Variants in SKOR2 observed in about 807,000 individuals in gnomAD.
The protein encoded by SKOR2 is LBX1 corepressor 1-like protein.
A neutral mutation model predicts 69.1 loss-of-function variants in SKOR2; 47 were observed. The ratio of observed to expected loss-of-function variants is 0.68; its 90% CI spans 0.54 to 0.87. The LOEUF (loss-of-function observed/expected upper bound fraction) is 0.87. SKOR2 is among the 40% of genes least tolerant of loss of function. SKOR2 has a pLI of 0.00. For missense variants in SKOR2, 1,404 were observed against 1,472.2 expected (o/e 0.95, Z 0.76); for synonymous variants, 717 against 672.6 (o/e 1.07, Z -1.02).
chr18:47,249,264 C>A, intron 1 of SKOR2, 34 bp from the exon 2 acceptor site: 1 of 1,439,266 alleles, frequency 6.9e-7, no homozygotes, highest in Non-Finnish European at 9.1e-7. Flanking sequence ...TGACTTGAGC[C>A]TTTTCAGACT....
intron 3 of SKOR2, 99 bp from the exon 4 acceptor site, chr18:47,245,081 T>C: frequency 3.2e-6 from 3 of 928,784 alleles, no homozygotes; most frequent in Admixed American, 2.6e-5. Flanking sequence ...ATGCTACTTA[T>C]TATATCTAAG....
At position 47,247,248 on chromosome 18, in the gene SKOR2, C is replaced by CG; in HGVS notation, c.1935dup (p.Ala646ArgfsTer119). The CG allele has an allele frequency of 6.8e-7, 1 of 1,470,154 alleles. No homozygotes were observed. Among genetic ancestry groups the CG allele is most frequent in the Non-Finnish European group, 9.0e-7 (1 of 1,115,808 alleles). 91.1% of individuals were successfully genotyped at this position (1,470,154 alleles called of 1,614,324 possible). A position where few individuals can be genotyped will look rare whatever the true frequency, so the allele number is the denominator to read the frequency against. On this transcript the variant is annotated frameshift_variant, in exon 2 of 9. Coordinates refer to ENST00000425639, the MANE Select transcript of SKOR2 (RefSeq NM_001278063.4). LOFTEE classifies it high-confidence loss of function. The surrounding 1 kb of genome is among the most constrained non-coding windows in gnomAD (Gnocchi z 6.6). ...GGATGCGTCTGGGCCGAGTGGGGCGCGCCCGCCGACGCCCCGTGCAGCTTG... is the reference window on the plus strand; with the variant it reads ...GGATGCGTCTGGGCCGAGTGGGGCGCGGCCCGCCGACGCCCCGTGCAGCTTG...
intron 8 of SKOR2, among the ~76,000 whole-genome samples, chr18:47,210,832 T>C (rs1666400248): frequency 6.6e-6 from 1 of 152,064 alleles, no homozygotes; most frequent in South Asian, 2.1e-4. Context: ...GTCCATGCAT[T>C]AGGAAGAGGC....
intron 2 of SKOR2, among the ~76,000 whole-genome samples, 164 bp downstream of exon 2, chr18:47,246,407 G>C (rs2064273271): frequency 6.6e-6 from 1 of 152,216 alleles, no homozygotes; most frequent in African/African-American, 2.4e-5. Context: ...ACATTTTTAC[G>C]GAGGACCACT....
chr18:47,239,488 CTT>C (rs1410491618), intron 4 of SKOR2, among the ~76,000 whole-genome samples: 1 of 152,118 alleles, frequency 6.6e-6, no homozygotes, highest in Admixed American at 6.5e-5. Flanking sequence ...TTATGGCAAA[CTT>C]TACAATTCAT....
chr18:47,228,347 G>T (rs1334753802), intron 6 of SKOR2, among the ~76,000 whole-genome samples: 1 of 152,164 alleles, frequency 6.6e-6, no homozygotes, highest in Non-Finnish European at 1.5e-5. Context: ...AATCACAGAG[G>T]ATACATATTA....
chr18:47,209,117 C>T (rs756012785), intron 8 of SKOR2, among the ~76,000 whole-genome samples: 135 of 151,864 alleles, frequency 8.9e-4, no homozygotes, highest in Middle Eastern at 3.4e-3. Flanking sequence ...TTTATTTTGA[C>T]GCAACGTGGA....
chr18:47,207,651 A>G (rs1483790945), intron 8 of SKOR2, among the ~76,000 whole-genome samples: 1 of 152,198 alleles, frequency 6.6e-6, no homozygotes, highest in African/African-American at 2.4e-5. Context: ...CTGACTAAAG[A>G]TGAGAGAAAT....
rs755069423 is a variant in SKOR2 at position 47,249,180 on chromosome 18, C to T, written c.4G>A (p.Ala2Thr). The change falls in exon 2 of 9, where the codon GCT becomes ACT. Residue 2 changes from alanine to threonine, a missense_variant. Transcript: ENST00000425639. ...TTGGGCCCTGGCAGCGGACTGGAAG[C>T]CATCTCCGCCGCAGAACCCCGGGCC... MASSPLPGPNDI... is the reference protein window; with the variant it reads MTSSPLPGPNDI... 6 of 1,534,096 alleles carry T rather than the reference C, an allele frequency of 3.9e-6. No individual in the cohort carries two copies. In the South Asian group the frequency reaches 7.2e-5, roughly 18 times the overall value.
intron 8 of SKOR2, among the ~76,000 whole-genome samples, chr18:47,207,971 C>T (rs933199337): frequency 3.3e-5 from 5 of 152,084 alleles, no homozygotes; most frequent in South Asian, 4.1e-4. Context: ...CTTTCATGAA[C>T]GTGGCCCCTT....
chr18:47,217,404 G>A (rs1321918899), intron 7 of SKOR2, among the ~76,000 whole-genome samples: 1 of 152,200 alleles, frequency 6.6e-6, no homozygotes, highest in Non-Finnish European at 1.5e-5. Context: ...TCAATCCCAA[G>A]TTACAGATGT....
At position 47,247,904 on chromosome 18, in the gene SKOR2, G is replaced by A; in HGVS notation, c.1280C>T (p.Ala427Val). 2.2e-6 allele frequency: 3 copies of A among 1,363,926 alleles called. No homozygotes were observed. Among genetic ancestry groups the A allele is most frequent in the South Asian group, 1.8e-5 (1 of 55,876 alleles). 84.5% of individuals were successfully genotyped at this position (1,363,926 alleles called of 1,614,324 possible). A position where few individuals can be genotyped will look rare whatever the true frequency, so the allele number is the denominator to read the frequency against. Residue 427 changes from alanine (A) to valine (V), a missense_variant, in exon 2 of 9, where the codon GCG becomes GTG. Coordinates refer to ENST00000425639, the MANE Select transcript of SKOR2 (RefSeq NM_001278063.4). The surrounding 1 kb of genome is among the most constrained non-coding windows in gnomAD (Gnocchi z 6.6). ...CCCCAGGGCCTCAGCGGCGGCACCC[G>A]CATCCTCTTTCTTATGGCACAAGCT... is the stretch of plus-strand genomic sequence containing the variant. ...AFSLCHKKEDAGAAAEALGGA... is the reference protein window; with the variant it reads ...AFSLCHKKEDVGAAAEALGGA...
intron 7 of SKOR2, among the ~76,000 whole-genome samples, chr18:47,219,367 A>C (rs1488145547): frequency 6.6e-6 from 1 of 151,060 alleles, no homozygotes; most frequent in African/African-American, 2.4e-5. Context: ...CCAAAACAAA[A>C]CCACTACATT....
rs2064293650 is a variant in SKOR2 at position 47,248,368 on chromosome 18, TCCGGCCACC to T, written c.807_815del (p.Val270_Gly272del). On this transcript the variant is annotated inframe_deletion, in exon 2 of 9. Coordinates refer to ENST00000425639, the MANE Select transcript of SKOR2 (RefSeq NM_001278063.4). This position sits in a 1 kb window ranked among gnomAD's most constrained non-coding sequence, Gnocchi z 6.4. Reference sequence around the variant, plus strand: ...GGTGGGGGCCCAGCAGACCCCCGCCTCCGGCCACCGCGGCCGCGGCGGCCACGGCGGCCG... The same window carrying T: ...GGTGGGGGCCCAGCAGACCCCCGCCTGCGGCCGCGGCGGCCACGGCGGCCG... The T allele has an allele frequency of 7.8e-7, 1 of 1,287,996 alleles. No homozygotes were observed. The highest frequency in any genetic ancestry group is 9.7e-7 in the Non-Finnish European group (1 of 1,027,018). The allele number at this position is 1,287,996 out of a possible 1,614,324, so 79.8% of individuals were successfully genotyped here.
intron 4 of SKOR2, among the ~76,000 whole-genome samples, chr18:47,234,155 T>C (rs780087605): frequency 1.7e-4 from 26 of 152,200 alleles, no homozygotes; most frequent in Non-Finnish European, 3.4e-4. Flanking sequence ...CTTTCGTATA[T>C]TACTAATCTG....
At chr18:47,250,460 T>C (rs1448838249) in intron 1 of SKOR2, among the ~76,000 whole-genome samples, 2 of 152,222 alleles carry the variant, frequency 1.3e-5, no homozygotes, top group Non-Finnish European at 2.9e-5. Flanking sequence ...CACTGATCTT[T>C]CCACAGCTAC....
chr18:47,246,875 T>G lies in SKOR2; in HGVS notation c.2309A>C (p.Asp770Ala). Reference protein sequence around the residue: ...GRDPDDDEEEDEETEVLLGDP... With the variant: ...GRDPDDDEEEAEETEVLLGDP... ...GCCGAGTAGGACCTCCGTCTCCTCGTCCTCTTCCTCGTCGTCGTCAGGGTC... is the reference window on the plus strand; with the variant it reads ...GCCGAGTAGGACCTCCGTCTCCTCGGCCTCTTCCTCGTCGTCGTCAGGGTC... The change falls in exon 2 of 9, where the codon GAC becomes GCC. Residue 770 changes from aspartate (D) to alanine (A), a missense_variant. By Grantham distance (126) the Asp-to-Ala change is moderately radical (BLOSUM62 -2). Around this residue, in one of 3 missense-constraint regions of SKOR2, gnomAD observed 1,266 missense variants for 1,309.9 expected, o/e 0.97. Transcript: ENST00000425639. The G allele has an allele frequency of 6.7e-7, 1 of 1,492,594 alleles. No individual in the cohort carries two copies. The highest frequency in any genetic ancestry group is 8.9e-7 in the Non-Finnish European group (1 of 1,127,276). 92.5% of individuals were successfully genotyped at this position (1,492,594 alleles called of 1,614,324 possible).
At chr18:47,210,962 C>T (rs1197884601) in intron 8 of SKOR2, among the ~76,000 whole-genome samples, 1 of 152,102 alleles carries the variant, frequency 6.6e-6, no homozygotes, top group Non-Finnish European at 1.5e-5. Flanking sequence ...TAAGGGAAAG[C>T]ACATGGATGA....
In SKOR2 at chr18:47,249,053, A is replaced by C. The variant is rs1200195026; in HGVS notation, c.131T>G (p.Val44Gly). Residue 44 changes from valine to glycine, a missense_variant, in exon 2 of 9, where the codon GTG becomes GGG. Transcript: ENST00000425639. The stretch of plus-strand genomic sequence containing the variant: ...CACGATGGGAATGCCGTAGAGGATC[A>C]CCTGGCCCACCTGGTTGGGTTTGAG... ...ANLKPNQVGQ[V>G]ILYGIPIVSL... is the part of the protein sequence containing the mutation. 1.3e-6 allele frequency: 2 copies of C among 1,537,256 alleles called. No individual in the cohort carries two copies. Among genetic ancestry groups the C allele is most frequent in the Non-Finnish European group, 1.7e-6 (2 of 1,147,276 alleles).
Sources: gnomAD v4.1 joint callset for allele counts (sites outside exome capture counted in the v4.1 genomes callset) on GRCh38, gnomAD v4.1.1 for gene constraint, gnomAD v4.1.1 regional missense constraint, Gnocchi (gnomAD v3.1) non-coding constraint, MANE v1.5 for transcripts, NCBI Gene and HGNC (gene_info 2026-07-23, HGNC 2026-07-21) for gene names.